The following CCSER2 variants were observed in gnomAD, a reference collection of about 807,000 sequenced individuals.
The protein encoded by CCSER2 is serine-rich coiled-coil domain-containing protein 2.
A neutral mutation model predicts 92.3 loss-of-function variants in CCSER2; 46 were observed. The observed-to-expected ratio is 0.50, with a 90% CI of 0.39 to 0.64. The LOEUF (loss-of-function observed/expected upper bound fraction) is 0.64. CCSER2 is among the 30% of genes least tolerant of loss of function. The pLI, the probability that CCSER2 is intolerant of heterozygous loss-of-function variation, is 0.00. For missense variants in CCSER2, 1,244 were observed against 1,238.9 expected, an observed-to-expected ratio of 1.00 and a Z score of -0.06; for synonymous variants, 433 against 431.4, an observed-to-expected ratio of 1.00 and a Z score of -0.04.
chr10:84,435,737 T>C (rs1844077482), intron 5 of CCSER2, among the ~76,000 whole-genome samples: 2 of 151,014 alleles, frequency 1.3e-5, no homozygotes, highest in African/African-American at 2.4e-5. Context: ...CATTCCTTCA[T>C]AGAGTTTGTA....
chr10:84,355,286 A>G (rs1352090842), intron 1 of CCSER2, among the ~76,000 whole-genome samples: 1 of 152,018 alleles, frequency 6.6e-6, no homozygotes, highest in East Asian at 1.9e-4. Context: ...CTTTCTTCTT[A>G]TGCATTTCTG....
At chr10:84,399,947 G>A (rs1589552977) in intron 3 of CCSER2, among the ~76,000 whole-genome samples, 1 of 151,598 alleles carries the variant, frequency 6.6e-6, no homozygotes, top group African/African-American at 2.4e-5. Context: ...CTTACTGGGC[G>A]TTAAGTGGTA....
chr10:84,348,797 C>T (rs922498503), intron 1 of CCSER2, among the ~76,000 whole-genome samples: 5 of 151,938 alleles, frequency 3.3e-5, no homozygotes, highest in African/African-American at 1.2e-4. Flanking sequence ...AAGATTAGTA[C>T]AAAAAATATC....
chr10:84,370,787 A>C (rs1032934047), intron 1 of CCSER2, among the ~76,000 whole-genome samples: 2 of 152,158 alleles, frequency 1.3e-5, no homozygotes, highest in African/African-American at 4.8e-5. Context: ...TTTTGCTGTC[A>C]TTCATAGCAT....
chr10:84,446,166 A>G (rs924961576), intron 6 of CCSER2, among the ~76,000 whole-genome samples: 7 of 152,208 alleles, frequency 4.6e-5, no homozygotes, highest in Non-Finnish European at 7.3e-5. Context: ...AAGATGGAGT[A>G]ATGGAAAGGC....
intron 3 of CCSER2, among the ~76,000 whole-genome samples, chr10:84,387,758 G>T (rs12764745): frequency 0.058 from 8,865 of 152,232 alleles, 370 homozygotes; most frequent in Admixed American, 0.1. Flanking sequence ...TCGATCTCCT[G>T]ACTTCGTGAT....
chr10:84,369,954 G>A (rs1413963544), intron 1 of CCSER2, among the ~76,000 whole-genome samples: 1 of 152,008 alleles, frequency 6.6e-6, no homozygotes, highest in Non-Finnish European at 1.5e-5. Flanking sequence ...AAGGTCAGTT[G>A]ATTGTATTTG....
chr10:84,368,618 G>A lies in CCSER2; in HGVS notation c.-39-2396G>A, dbSNP rs199710781. ...ATGACTTTAGTAATTAAGGTTTTTC[G>A]AATGTCTTCTAGCTTTTATAAAACC... is the stretch of plus-strand genomic sequence containing the variant. On this transcript the variant is annotated intron_variant, in intron 1 of 9. Transcript: ENST00000372088. 3.7e-4 allele frequency among the ~76,000 whole-genome samples: 56 copies of A among 152,070 alleles called. No individual in the cohort carries two copies. In the East Asian group the frequency reaches 5.8e-3, roughly 16 times the overall value.
chr10:84,339,983 A>T (rs1273553983), intron 1 of CCSER2, among the ~76,000 whole-genome samples: 1 of 152,088 alleles, frequency 6.6e-6, no homozygotes, highest in African/African-American at 2.4e-5. Context: ...CTGGGATTAC[A>T]GGTGCATGCC....
At chr10:84,376,667 G>GT (rs1564613063) in intron 3 of CCSER2, among the ~76,000 whole-genome samples, 2 of 152,014 alleles carry the variant, frequency 1.3e-5, no homozygotes, top group African/African-American at 2.4e-5. Context: ...TTTGATATAT[G>GT]TTTTTTTGGT....
intron 9 of CCSER2, among the ~76,000 whole-genome samples, chr10:84,497,456 A>G (rs2131827575): frequency 1.3e-5 from 2 of 152,334 alleles, no homozygotes; most frequent in East Asian, 3.9e-4. Flanking sequence ...TTCCCTTCTT[A>G]TACTCAGACC....
chr10:84,472,700 A>T (rs1846889599), intron 8 of CCSER2, among the ~76,000 whole-genome samples: 2 of 152,332 alleles, frequency 1.3e-5, no homozygotes, highest in Middle Eastern at 6.8e-3. Flanking sequence ...CTTTATATGG[A>T]CATATGATAA....
At chr10:84,365,822 C>G (rs1589452493) in intron 1 of CCSER2, among the ~76,000 whole-genome samples, 1 of 152,186 alleles carries the variant, frequency 6.6e-6, no homozygotes, top group Admixed American at 6.5e-5. Context: ...TAAAGCCTTT[C>G]TGACTCACAG....
intron 1 of CCSER2, among the ~76,000 whole-genome samples, 167 bp downstream of exon 1, chr10:84,328,975 C>G (rs567191123): frequency 0.012 from 1,841 of 151,788 alleles, 15 homozygotes; most frequent in Non-Finnish European, 0.02. Flanking sequence ...TCTAGCCCCT[C>G]GCGAGCCGCC....
chr10:84,465,341 T>TTTA (rs1846352166), intron 7 of CCSER2, among the ~76,000 whole-genome samples: 1 of 139,064 alleles, frequency 7.2e-6, no homozygotes, highest in Non-Finnish European at 1.6e-5. Context: ...TTTTTTTTTT[T>TTTA]TTAGACGGAG....
intron 1 of CCSER2, among the ~76,000 whole-genome samples, chr10:84,348,146 A>C (rs1374578184): frequency 6.6e-6 from 1 of 152,174 alleles, no homozygotes; most frequent in East Asian, 1.9e-4. Context: ...ACGCCACTGC[A>C]CTCCAGCCTG....
intron 1 of CCSER2, among the ~76,000 whole-genome samples, chr10:84,335,826 T>C (rs1187029694): frequency 1.3e-5 from 2 of 152,158 alleles, no homozygotes; most frequent in Non-Finnish European, 2.9e-5. Context: ...TTGGGAGTTA[T>C]ATAATAATTT....
chr10:84,430,310 T>C (rs544878145), intron 5 of CCSER2, among the ~76,000 whole-genome samples: 10 of 152,170 alleles, frequency 6.6e-5, no homozygotes, highest in African/African-American at 1.4e-4. Flanking sequence ...AGCCTATACA[T>C]GTATATGTTC....
chr10:84,482,591 A>C (rs1276548899), intron 9 of CCSER2, among the ~76,000 whole-genome samples: 1 of 152,228 alleles, frequency 6.6e-6, no homozygotes, highest in African/African-American at 2.4e-5. Flanking sequence ...CGTTAAGTAA[A>C]TTGTAAAATC....
Sources: allele counts gnomAD v4.1 joint callset (sites outside exome capture counted in the v4.1 genomes callset), GRCh38; gene constraint gnomAD v4.1.1; transcripts MANE v1.5; gene names NCBI Gene and HGNC (gene_info 2026-07-23, HGNC 2026-07-21).